The following LYSMD3 variants were observed in gnomAD, a reference collection of about 807,000 sequenced individuals.
The protein encoded by LYSMD3 is lysM and putative peptidoglycan-binding domain-containing protein 3.
Under a neutral mutation model 26.1 loss-of-function variants are expected in LYSMD3, and 13 were observed. That is an observed-to-expected ratio of 0.50 (90% confidence interval 0.32 to 0.79). The LOEUF is 0.79. LYSMD3 is among the 30% of genes least tolerant of loss of function. The pLI is 0.03. For missense variants in LYSMD3, 331 were observed against 362.5 expected (o/e 0.91, Z 0.71); for synonymous variants, 109 against 119.4 (o/e 0.91, Z 0.57).
chr5:90,516,296 C>T lies in LYSMD3; in HGVS notation c.*2523G>A, dbSNP rs969768280. ...GATAGCAAAGAAATTTTATTTTAAC[C>T]GAGACTTCATAAAACTATCAGCTTT... On this transcript the variant is annotated 3_prime_UTR_variant, in exon 3 of 3. Transcript: ENST00000315948. 2.0e-5 allele frequency: 3 copies of T among 151,936 alleles called. No homozygotes were observed. Among genetic ancestry groups the T allele is most frequent in the African/African-American group, 4.8e-5 (2 of 41,354 alleles). The allele number at this position is 151,936 out of a possible 1,614,324, so 9.4% of individuals were successfully genotyped here. A position where few individuals can be genotyped will look rare whatever the true frequency, so the allele number is the denominator to read the frequency against.
At chr5:90,526,313 A>C in intron 1 of LYSMD3, among the ~76,000 whole-genome samples, 1 of 152,208 alleles carries the variant, frequency 6.6e-6, no homozygotes, top group East Asian at 1.9e-4. Flanking sequence ...TGGTCCATAA[A>C]GACTGTGAAC....
At chr5:90,523,380 A>T (rs1753140041) in intron 2 of LYSMD3, among the ~76,000 whole-genome samples, 1 of 151,938 alleles carries the variant, frequency 6.6e-6, no homozygotes, top group African/African-American at 2.4e-5. Flanking sequence ...AATGTAGAAG[A>T]AAACCTCATG....
chr5:90,523,466 G>C (rs1339263469), intron 2 of LYSMD3, among the ~76,000 whole-genome samples: 1 of 151,666 alleles, frequency 6.6e-6, no homozygotes, highest in Non-Finnish European at 1.5e-5. Context: ...TTGCAGAGAA[G>C]TATTACAGGT....
Position 90,516,423 on chromosome 5 carries a change from C to A in LYSMD3, c.*2396G>T, listed in dbSNP as rs1472206854. The A allele has an allele frequency of 6.6e-6, 1 of 152,036 alleles. No individual in the cohort carries two copies. Among genetic ancestry groups the A allele is most frequent in the Non-Finnish European group, 1.5e-5 (1 of 67,938 alleles). 9.4% of individuals were successfully genotyped at this position (152,036 alleles called of 1,614,324 possible). ...GTACATGCGTGCACACATGCAGACA[C>A]ACACACAGACACACATGTAAAGCAA... On this transcript the variant is annotated 3_prime_UTR_variant, in exon 3 of 3. Coordinates refer to ENST00000315948, the MANE Select transcript of LYSMD3 (RefSeq NM_198273.2).
chr5:90,516,277 A>G lies in LYSMD3; in HGVS notation c.*2542T>C, dbSNP rs1022748469. Reference sequence around the variant, plus strand: ...CATAACTTCCTAGGAGTGAGATAGCAAAGAAATTTTATTTTAACCGAGACT... The same window carrying G: ...CATAACTTCCTAGGAGTGAGATAGCGAAGAAATTTTATTTTAACCGAGACT... On this transcript the variant is annotated 3_prime_UTR_variant, in exon 3 of 3. Coordinates refer to ENST00000315948, the MANE Select transcript of LYSMD3 (RefSeq NM_198273.2). The G allele has an allele frequency of 6.6e-6, 1 of 152,088 alleles. No individual in the cohort carries two copies. Among genetic ancestry groups the G allele is most frequent in the African/African-American group, 2.4e-5 (1 of 41,434 alleles). 9.4% of individuals were successfully genotyped at this position (152,088 alleles called of 1,614,324 possible).
intron 2 of LYSMD3, among the ~76,000 whole-genome samples, chr5:90,523,027 TG>T (rs1349237032): frequency 2.0e-5 from 3 of 152,308 alleles, no homozygotes; most frequent in Non-Finnish European, 1.5e-5. Flanking sequence ...ATCTGTACCT[TG>T]ATGTTTTTTA....
chr5:90,524,931 A>G (rs1360654265), intron 2 of LYSMD3, 104 bp downstream of exon 2: 2 of 1,130,506 alleles, frequency 1.8e-6, no homozygotes, highest in East Asian at 5.0e-5. Flanking sequence ...AAGAGCAAAA[A>G]ATGGAGAAAG....
At position 90,519,221 on chromosome 5, in the gene LYSMD3, C is replaced by A. The variant is rs1753026891; in HGVS notation, c.519G>T (p.Lys173Asn). The change falls in exon 3 of 3, where the codon AAG becomes AAT. Residue 173 changes from lysine (K) to asparagine (N), a missense_variant. Physicochemically the swap from Lys to Asn is moderately conservative, Grantham distance 94. Coordinates refer to ENST00000315948, the MANE Select transcript of LYSMD3 (RefSeq NM_198273.2). Reference sequence around the variant, plus strand: ...GGTTCTCTCTCTTATTGTCTGTACACTTTACTATTTGTTCTATGTCTCGGT... The same window carrying A: ...GGTTCTCTCTCTTATTGTCTGTACAATTTACTATTTGTTCTATGTCTCGGT... ...EVDRDIEQIV[K>N]CTDNKRENLN... The A allele has an allele frequency of 1.9e-6, 3 of 1,613,938 alleles. No individual in the cohort carries two copies.
rs1753038871 is a variant in LYSMD3 at position 90,519,504 on chromosome 5, G to GC, written c.256-21dup. The GC allele has an allele frequency of 1.4e-5, 17 of 1,213,360 alleles. No homozygotes were observed. Among genetic ancestry groups the GC allele is most frequent in the Middle Eastern group, 2.0e-4 (1 of 5,058 alleles). 75.2% of individuals were successfully genotyped at this position (1,213,360 alleles called of 1,614,324 possible). On this transcript the variant is annotated intron_variant, in intron 2 of 2. Transcript: ENST00000315948. ...TGCTACCTGTGGGGGGGAAAAAAAAGCAACATACAACTGAATTCCAATCAA... is the reference window on the plus strand; with the variant it reads ...TGCTACCTGTGGGGGGGAAAAAAAAGCCAACATACAACTGAATTCCAATCAA...
intron 2 of LYSMD3, among the ~76,000 whole-genome samples, chr5:90,521,143 T>C (rs1384197644): frequency 1.3e-5 from 2 of 152,252 alleles, no homozygotes; most frequent in East Asian, 3.9e-4. Flanking sequence ...GCTTTGACAC[T>C]TTCTAGCTGT....
intron 2 of LYSMD3, among the ~76,000 whole-genome samples, chr5:90,523,127 A>G (rs1468573756): frequency 6.8e-6 from 1 of 147,968 alleles, no homozygotes; most frequent in Admixed American, 6.7e-5. Flanking sequence ...ATTTCTCTAC[A>G]AAACATTTAC....
intron 2 of LYSMD3, among the ~76,000 whole-genome samples, chr5:90,520,024 A>G (rs534407797): frequency 6.6e-6 from 1 of 152,234 alleles, no homozygotes; most frequent in African/African-American, 2.4e-5. Flanking sequence ...AGATGCTAAA[A>G]TGTGTGGAAA....
chr5:90,519,032 A>G lies in LYSMD3; in HGVS notation c.708T>C (p.Tyr236=), dbSNP rs1353353559. The G allele has an allele frequency of 6.2e-7, 1 of 1,614,134 alleles. No homozygotes were observed. Among genetic ancestry groups the G allele is most frequent in the Non-Finnish European group, 8.5e-7 (1 of 1,179,968 alleles). Residue 236 remains tyrosine, a synonymous_variant, in exon 3 of 3, where the codon TAT becomes TAC. Coordinates refer to ENST00000315948, the MANE Select transcript of LYSMD3 (RefSeq NM_198273.2). Reference sequence around the variant, plus strand: ...TAGCTAAAATTTCATAATACAACAAATAAAACACTGGTGTTATTATACCTA... The same window carrying G: ...TAGCTAAAATTTCATAATACAACAAGTAAAACACTGGTGTTATTATACCTA... ...LIVGIITPVF[Y]LLYYEILAKV...
At chr5:90,521,657 T>C (rs1265802580) in intron 2 of LYSMD3, among the ~76,000 whole-genome samples, 1 of 152,016 alleles carries the variant, frequency 6.6e-6, no homozygotes, top group African/African-American at 2.4e-5. Context: ...TTGCTTGGTA[T>C]TGTGTACTCT....
rs371560297 is a variant in LYSMD3 at position 90,520,257 on chromosome 5, G to A, written c.256-773C>T. The A allele has an allele frequency of 3.3e-5, 13 of 397,210 alleles. No homozygotes were observed. In the Middle Eastern group the frequency reaches 4.0e-3, roughly 123 times the overall value. 24.6% of individuals were successfully genotyped at this position (397,210 alleles called of 1,614,324 possible). On this transcript the variant is annotated intron_variant, in intron 2 of 2. Transcript: ENST00000315948. ...GTATATCCTATTCCACTGTGTTGGGGGAAGAGGGGAGTGTCTGGCAGATTA... is the reference window on the plus strand; with the variant it reads ...GTATATCCTATTCCACTGTGTTGGGAGAAGAGGGGAGTGTCTGGCAGATTA...
intron 1 of LYSMD3, among the ~76,000 whole-genome samples, chr5:90,528,786 G>A (rs1753285382): frequency 2.0e-5 from 3 of 152,126 alleles, no homozygotes. Flanking sequence ...AGATTACGAG[G>A]GGCCACAAAA....
intron 2 of LYSMD3, among the ~76,000 whole-genome samples, chr5:90,520,018 G>C (rs751296194): frequency 1.3e-5 from 2 of 151,520 alleles, no homozygotes; most frequent in African/African-American, 2.4e-5. Context: ...AAAAAAAGAT[G>C]CTAAAATGTG....
intron 2 of LYSMD3, among the ~76,000 whole-genome samples, chr5:90,524,196 G>A (rs111837877): frequency 5.9e-5 from 9 of 152,204 alleles, no homozygotes; most frequent in Middle Eastern, 6.8e-3. Flanking sequence ...TTAAAATAAT[G>A]AGTTAATAAG....
chr5:90,525,846 A>G (rs1332659947), intron 1 of LYSMD3, among the ~76,000 whole-genome samples: 2 of 152,368 alleles, frequency 1.3e-5, no homozygotes, highest in Admixed American at 6.5e-5. Context: ...ATTAGATCAT[A>G]TATCACTAAA....
Sources: allele counts gnomAD v4.1 joint callset (sites outside exome capture counted in the v4.1 genomes callset), GRCh38; gene constraint gnomAD v4.1.1; transcripts MANE v1.5; gene names NCBI Gene and HGNC (gene_info 2026-07-23, HGNC 2026-07-21).